CSMD1: variants seen among roughly 807,000 people sequenced by gnomAD.
The protein encoded by CSMD1 is CUB and Sushi multiple domains 1, also known as CUB and sushi domain-containing protein 1.
CSMD1 carries 213 observed loss-of-function variants against 417.5 expected under a neutral mutation model. That is an observed-to-expected ratio of 0.51 (90% CI 0.46 to 0.57). The LOEUF (loss-of-function observed/expected upper bound fraction) is 0.57. CSMD1 is among the 20% of genes least tolerant of loss of function. The probability of loss-of-function intolerance (pLI) is 0.00; values close to 1 mark genes in which losing one functional copy is unlikely to be tolerated. For synonymous variants in CSMD1, 2,862 were observed against 1,736.8 expected, an observed-to-expected ratio of 1.65 and a Z score of -16.11; for missense variants, 6,923 against 4,529.7, an observed-to-expected ratio of 1.53 and a Z score of -15.17.
At chr8:3,639,247 A>T (rs1239471094) in intron 7 of CSMD1, among the ~76,000 whole-genome samples, 1 of 152,196 alleles carries the variant, frequency 6.6e-6, no homozygotes, top group East Asian at 1.9e-4. Flanking sequence ...TTGACAATGA[A>T]ATTTCTATGA....
intron 3 of CSMD1, among the ~76,000 whole-genome samples, chr8:4,362,069 G>T (rs1584957357): frequency 6.6e-6 from 1 of 152,154 alleles, no homozygotes; most frequent in African/African-American, 2.4e-5. Context: ...GAAAATAAAG[G>T]CTGAGATAAT....
chr8:4,930,371 A>G (rs985934045), intron 1 of CSMD1, among the ~76,000 whole-genome samples: 42 of 151,498 alleles, frequency 2.8e-4, no homozygotes, highest in African/African-American at 9.7e-4. Flanking sequence ...AGGTGCGCGC[A>G]CACACACACA....
chr8:4,026,011 TA>T (rs78872159), intron 4 of CSMD1, among the ~76,000 whole-genome samples: 2,153 of 143,142 alleles, frequency 0.015, 21 homozygotes, highest in Non-Finnish European at 0.02. Flanking sequence ...AGGAACTCTA[TA>T]AAAAAAAAAA....
intron 54 of CSMD1, among the ~76,000 whole-genome samples, chr8:2,991,833 G>A (rs993408728): frequency 6.6e-6 from 1 of 152,108 alleles, no homozygotes; most frequent in African/African-American, 2.4e-5. Context: ...GGGAAAATGG[G>A]GCTGTTTTTA....
intron 5 of CSMD1, among the ~76,000 whole-genome samples, chr8:3,778,741 A>T (rs1709115058): frequency 6.6e-6 from 1 of 152,182 alleles, no homozygotes; most frequent in South Asian, 2.1e-4. Context: ...GCCTTTGGAA[A>T]TCAGGTTACA....
At chr8:4,785,629 C>A (rs1165716129) in intron 1 of CSMD1, among the ~76,000 whole-genome samples, 3 of 152,156 alleles carry the variant, frequency 2.0e-5, no homozygotes, top group African/African-American at 7.2e-5. Context: ...AGCTCACACA[C>A]AGACTCAGAG....
chr8:3,462,938 C>G (rs1445853969), intron 12 of CSMD1, among the ~76,000 whole-genome samples: 1 of 152,186 alleles, frequency 6.6e-6, no homozygotes, highest in African/African-American at 2.4e-5. Context: ...CCCCTGTGAA[C>G]AGGATTAGTG....
chr8:3,931,913 A>G (rs1174199738), intron 5 of CSMD1, among the ~76,000 whole-genome samples: 2 of 149,492 alleles, frequency 1.3e-5, no homozygotes, highest in Non-Finnish European at 3.0e-5. Context: ...AGAAAAAAAA[A>G]AAAGATCACA....
intron 5 of CSMD1, among the ~76,000 whole-genome samples, chr8:3,797,007 G>T (rs778258295): frequency 6.6e-6 from 1 of 151,720 alleles, no homozygotes; most frequent in Non-Finnish European, 1.5e-5. Flanking sequence ...ATTTAATAAT[G>T]TTGTTAATTA....
intron 1 of CSMD1, among the ~76,000 whole-genome samples, chr8:4,831,040 T>C (rs1161126907): frequency 1.3e-5 from 2 of 152,200 alleles, no homozygotes; most frequent in African/African-American, 2.4e-5. Flanking sequence ...CAGGATGATC[T>C]ACCCTTTACT....
At chr8:3,203,074 A>G (rs1797073864) in intron 31 of CSMD1, among the ~76,000 whole-genome samples, 1 of 152,202 alleles carries the variant, frequency 6.6e-6, no homozygotes, top group South Asian at 2.1e-4. Flanking sequence ...AATCATCCAC[A>G]GATAATTTCT....
At chr8:3,563,972 T>G (rs966065807) in intron 10 of CSMD1, among the ~76,000 whole-genome samples, 27 of 152,190 alleles carry the variant, frequency 1.8e-4, no homozygotes, top group African/African-American at 6.5e-4. Context: ...TTGGGTACAT[T>G]CTGAGTATAC....
intron 7 of CSMD1, among the ~76,000 whole-genome samples, chr8:3,620,770 A>C (rs752958925): frequency 6.6e-6 from 1 of 152,228 alleles, no homozygotes; most frequent in African/African-American, 2.4e-5. Flanking sequence ...GCTGAAAGAC[A>C]TATGAAAATT....
chr8:4,986,763 T>C (rs1362318239), intron 1 of CSMD1, among the ~76,000 whole-genome samples: 1 of 152,106 alleles, frequency 6.6e-6, no homozygotes, highest in South Asian at 2.1e-4. Flanking sequence ...TGGATACCGA[T>C]AATAGAGGCA....
intron 3 of CSMD1, among the ~76,000 whole-genome samples, chr8:4,065,775 A>C (rs1799214334): frequency 6.6e-6 from 1 of 152,210 alleles, no homozygotes; most frequent in Admixed American, 6.5e-5. Flanking sequence ...GGGGAACTAC[A>C]GCAAATAAGA....
intron 3 of CSMD1, among the ~76,000 whole-genome samples, chr8:4,042,010 G>C (rs986911863): frequency 6.6e-6 from 1 of 151,920 alleles, no homozygotes; most frequent in Admixed American, 6.6e-5. Flanking sequence ...GCAAAACTAA[G>C]AGCACAGAGA....
At chr8:3,059,208 G>C (rs977012114) in intron 49 of CSMD1, among the ~76,000 whole-genome samples, 1 of 148,878 alleles carries the variant, frequency 6.7e-6, no homozygotes, top group African/African-American at 2.5e-5. Flanking sequence ...AAAAAAATAA[G>C]GAAAAATATT....
chr8:4,645,410 A>G (rs1803455756), intron 1 of CSMD1, among the ~76,000 whole-genome samples: 1 of 136,356 alleles, frequency 7.3e-6, no homozygotes, highest in Non-Finnish European at 1.5e-5. Context: ...CTCTGAAAAG[A>G]CAAATTGCCA....
At chr8:3,816,606 A>G (rs1801384175) in intron 5 of CSMD1, among the ~76,000 whole-genome samples, 1 of 152,196 alleles carries the variant, frequency 6.6e-6, no homozygotes, top group African/African-American at 2.4e-5. Context: ...GCAGTTCACA[A>G]TAATGTACCA....
Sources: gnomAD v4.1 joint callset for allele counts (sites outside exome capture counted in the v4.1 genomes callset) on GRCh38, gnomAD v4.1.1 for gene constraint, MANE v1.5 for transcripts, NCBI Gene and HGNC (gene_info 2026-07-23, HGNC 2026-07-21) for gene names.